IGSF10: variants seen among roughly 807,000 people sequenced by gnomAD.
IGSF10 encodes the protein calvaria mechanical force protein 608.
In IGSF10, 126 loss-of-function variants were observed where a neutral mutation model predicts 128.2. The ratio of observed to expected loss-of-function variants is 0.98; its 90% CI spans 0.85 to 1.14. IGSF10 has a LOEUF of 1.14. Among genes scored for constraint, IGSF10 ranks in the 50% most tolerant of loss-of-function variants. The pLI, the probability that IGSF10 is intolerant of heterozygous loss-of-function variation, is 0.00. For missense variants in IGSF10, 3,295 were observed against 3,149.8 expected, an observed-to-expected ratio of 1.05 and a Z score of -1.10; for synonymous variants, 1,185 against 1,146.2, an observed-to-expected ratio of 1.03 and a Z score of -0.68.
chr3:151,513,574 C>T, the IGSF10 span, among the ~76,000 whole-genome samples: 72,677 of 151,906 alleles, frequency 0.48, 17,845 homozygotes, highest in South Asian at 0.59. Context: ...ACAGGGATGC[C>T]CTCTCTCACC....
chr3:151,564,780 C>T, the IGSF10 span, among the ~76,000 whole-genome samples: 4 of 152,082 alleles, frequency 2.6e-5, no homozygotes, highest in East Asian at 1.9e-4. Context: ...TGTGAGTTAC[C>T]GGTGAATCAA....
chr3:151,532,587 T>C, the IGSF10 span, among the ~76,000 whole-genome samples: 2 of 152,250 alleles, frequency 1.3e-5, no homozygotes, highest in East Asian at 3.9e-4. Flanking sequence ...CACATGATTA[T>C]CTCAATAGAT....
chr3:151,462,416 T>C (rs1722096038), upstream of IGSF10, among the ~76,000 whole-genome samples: 1 of 152,214 alleles, frequency 6.6e-6, no homozygotes, highest in Non-Finnish European at 1.5e-5. Flanking sequence ...GCAGCTACAA[T>C]GTGAGAATTG....
chr3:151,557,359 G>A, the IGSF10 span, among the ~76,000 whole-genome samples: 89 of 152,226 alleles, frequency 5.8e-4, no homozygotes, highest in African/African-American at 1.9e-3. Flanking sequence ...CTCTGGTGTG[G>A]TGCCAACTCC....
At chr3:151,449,879 T>C (rs533529863) in intron 5 of IGSF10, among the ~76,000 whole-genome samples, 39 of 152,188 alleles carry the variant, frequency 2.6e-4, no homozygotes, top group African/African-American at 8.9e-4. Context: ...AACCAATCAA[T>C]AGGAGGTGAG....
Position 151,447,163 on chromosome 3 carries a change from T to A in IGSF10, c.2818A>T (p.Thr940Ser), listed in dbSNP as rs1227491622. 1 of 1,614,216 alleles carries A rather than the reference T, an allele frequency of 6.2e-7. No individual in the cohort carries two copies. The highest frequency in any genetic ancestry group is 8.5e-7 in the Non-Finnish European group (1 of 1,180,028). The change falls in exon 6 of 8, where the codon ACC becomes TCC. Residue 940 changes from threonine (T) to serine (S), a missense_variant. Physicochemically the swap from Thr to Ser is moderately conservative, Grantham distance 58. Transcript: ENST00000282466. ...ACTGACTCTAATAATAGTTTGTTGG[T>A]GGTGCTACTAAGCATTTTGACATTG... ...DVNVKMLSSTTNKLLLESVNT... is the reference protein window; with the variant it reads ...DVNVKMLSSTSNKLLLESVNT...
the IGSF10 span, among the ~76,000 whole-genome samples, chr3:151,576,199 T>C: frequency 4.0e-5 from 6 of 151,828 alleles, no homozygotes; most frequent in South Asian, 1.2e-3. Flanking sequence ...TTATTTCATG[T>C]TATATATTAT....
the IGSF10 span, among the ~76,000 whole-genome samples, chr3:151,603,111 G>A: frequency 6.6e-6 from 1 of 152,158 alleles, no homozygotes; most frequent in Admixed American, 6.5e-5. Flanking sequence ...GCTTGAATTT[G>A]CTTAACAGGG....
chr3:151,445,727 T>C lies in IGSF10; in HGVS notation c.4254A>G (p.Thr1418=), dbSNP rs1212485331. 1.2e-6 allele frequency: 2 copies of C among 1,614,086 alleles called. No homozygotes were observed. Among genetic ancestry groups the C allele is most frequent in the South Asian group, 2.2e-5 (2 of 90,924 alleles). The change falls in exon 6 of 8, where the codon ACA becomes ACG. Residue 1418 remains threonine (T), a synonymous_variant. Coordinates refer to ENST00000282466, the MANE Select transcript of IGSF10 (RefSeq NM_178822.5). ...CTTGGGCTAGTTCTTCAATCACATCTGTCAGATTAAGAGTTCTTGAATGAA... is the reference window on the plus strand; with the variant it reads ...CTTGGGCTAGTTCTTCAATCACATCCGTCAGATTAAGAGTTCTTGAATGAA... The part of the protein sequence containing the change: ...ISFHSRTLNL[T]DVIEELAQAS...
downstream of IGSF10, chr3:151,435,251 TATCA>T (rs3975356): frequency 0.85 from 129,031 of 151,468 alleles, 55,256 homozygotes; most frequent in Middle Eastern, 0.97. Context: ...CAGCTATACC[TATCA>T]ATCAATCACA....
At chr3:151,480,022 T>C in the IGSF10 span, among the ~76,000 whole-genome samples, 2 of 151,956 alleles carry the variant, frequency 1.3e-5, no homozygotes, top group African/African-American at 4.8e-5. Context: ...CAGGAGTGCA[T>C]ATCCAAATAG....
In IGSF10 at chr3:151,445,551, A is replaced by G. The variant is rs1280205254; in HGVS notation, c.4430T>C (p.Ile1477Thr). 1 of 1,614,086 alleles carries G rather than the reference A, an allele frequency of 6.2e-7. No individual in the cohort carries two copies. The highest frequency in any genetic ancestry group is 1.7e-5 in the Admixed American group (1 of 60,008). The change falls in exon 6 of 8, where the codon ATC becomes ACC. Residue 1477 changes from isoleucine (I) to threonine (T), a missense_variant. Coordinates refer to ENST00000282466, the MANE Select transcript of IGSF10 (RefSeq NM_178822.5). ...TGCTCTCTGAGTAAAGGGAGGGGAG[A>G]TGGGAACTGGCATTAGAGTAGCACT... ...SSSATLMPVP[I>T]SPPFTQRAVT...
chr3:151,617,306 TCTTCTTCTTCTTCCC>T, the IGSF10 span, among the ~76,000 whole-genome samples: 29 of 130,780 alleles, frequency 2.2e-4, no homozygotes, highest in Non-Finnish European at 3.8e-4. Flanking sequence ...TTCTTCTTCT[TCTTCTTCTTCTTCCC>T]CTCCTCCTCC....
At chr3:151,599,715 T>A in the IGSF10 span, among the ~76,000 whole-genome samples, 3 of 152,370 alleles carry the variant, frequency 2.0e-5, no homozygotes, top group East Asian at 5.8e-4. Context: ...TATTATTGCA[T>A]TTTAAATTTT....
the IGSF10 span, among the ~76,000 whole-genome samples, chr3:151,527,266 G>T: frequency 6.6e-6 from 1 of 152,196 alleles, no homozygotes; most frequent in Non-Finnish European, 1.5e-5. Flanking sequence ...ACCAGCGGGA[G>T]CTGGATTCAC....
At chr3:151,435,425 C>T (rs1560164442), downstream of IGSF10, 1 of 152,068 alleles carries the variant, frequency 6.6e-6, no homozygotes, top group African/African-American at 2.4e-5. Flanking sequence ...GTACTAACAT[C>T]AGACATAAGT....
In IGSF10 at chr3:151,445,140, TTCTGTCC is replaced by T; in HGVS notation, c.4834_4840del (p.Gly1612ArgfsTer37). On this transcript the variant is annotated frameshift_variant, in exon 6 of 8. Coordinates refer to ENST00000282466, the MANE Select transcript of IGSF10 (RefSeq NM_178822.5). LOFTEE classifies it high-confidence loss of function. The stretch of plus-strand genomic sequence containing the variant: ...ATCAAAGTCACTCTTCTTTGTGTTC[TTCTGTCC>T]ATCCCAATCTGAAACAAGAGTGGTG... The T allele has an allele frequency of 6.2e-7, 1 of 1,614,218 alleles. No individual in the cohort carries two copies. Among genetic ancestry groups the T allele is most frequent in the Non-Finnish European group, 8.5e-7 (1 of 1,180,026 alleles).
chr3:151,519,962 G>A, the IGSF10 span, among the ~76,000 whole-genome samples: 1 of 151,744 alleles, frequency 6.6e-6, no homozygotes, highest in Non-Finnish European at 1.5e-5. Context: ...AATAATACCT[G>A]AAGGTTTTGA....
At chr3:151,619,533 C>T in the IGSF10 span, among the ~76,000 whole-genome samples, 9 of 150,414 alleles carry the variant, frequency 6.0e-5, no homozygotes, top group Non-Finnish European at 1.0e-4. Flanking sequence ...ATTTATCAGA[C>T]AGTTGAGAAT....
Sources: gnomAD v4.1 joint callset for allele counts (sites outside exome capture counted in the v4.1 genomes callset) on GRCh38, gnomAD v4.1.1 for gene constraint, MANE v1.5 for transcripts, NCBI Gene and HGNC (gene_info 2026-07-23, HGNC 2026-07-21) for gene names.